The following ARHGAP12 variants were observed in gnomAD, a reference collection of about 807,000 sequenced individuals.
ARHGAP12 encodes rho GTPase-activating protein 12.
ARHGAP12 carries 64 observed loss-of-function variants against 108.6 expected under a neutral mutation model. The ratio of observed to expected loss-of-function variants is 0.59; its 90% CI spans 0.48 to 0.73. The LOEUF (loss-of-function observed/expected upper bound fraction) is 0.73, where lower values mean the gene tolerates loss of function less well. Ranked by LOEUF, ARHGAP12 falls within the 30% of genes least tolerant of loss-of-function variation. ARHGAP12 has a pLI of 0.00. For synonymous variants in ARHGAP12, 312 were observed against 337.2 expected (o/e 0.93, Z 0.82); for missense variants, 940 against 1,005.9 (o/e 0.93, Z 0.89).
At chr10:31,852,150 T>C (rs112173899) in intron 6 of ARHGAP12, among the ~76,000 whole-genome samples, 2 of 152,162 alleles carry the variant, frequency 1.3e-5, no homozygotes, top group South Asian at 4.1e-4. Flanking sequence ...GAGTTACTTT[T>C]CTTTCTCTCA....
intron 5 of ARHGAP12, 81 bp from the exon 6 acceptor site, chr10:31,852,678 AATTCTTATGAATTTT>A (rs1836733126): frequency 1.2e-6 from 1 of 840,482 alleles, no homozygotes; most frequent in African/African-American, 1.8e-5. Context: ...TACTAGATTT[AATTCTTATGAATTTT>A]ATTCTACTTG....
Position 31,818,896 on chromosome 10 carries a change from T to C in ARHGAP12, c.1633-1010A>G, listed in dbSNP as rs1005293366. On this transcript the variant is annotated intron_variant, in intron 12 of 19. Coordinates refer to ENST00000344936, the MANE Select transcript of ARHGAP12 (RefSeq NM_018287.7). ...CCATTTTTATTCTTGATTTACCTTTTGAAACTACAAGGCTAATTCAGGAAA... is the reference window on the plus strand; with the variant it reads ...CCATTTTTATTCTTGATTTACCTTTCGAAACTACAAGGCTAATTCAGGAAA... Among the ~76,000 whole-genome samples the C allele has an allele frequency of 5.3e-5, 8 of 152,272 alleles. No homozygotes were observed. In the South Asian group the frequency reaches 1.7e-3, roughly 32 times the overall value.
chr10:31,839,820 G>A (rs921160455), intron 7 of ARHGAP12, 109 bp from the exon 8 acceptor site: 16 of 749,884 alleles, frequency 2.1e-5, no homozygotes, highest in South Asian at 1.1e-4. Context: ...TTTTTTCCTC[G>A]TTATTTTCGT....
rs1834838126 is a variant in ARHGAP12, at chr10:31,806,823, A to G, written c.*835T>C. 6.6e-6 allele frequency: 1 copy of G among 152,594 alleles called. No individual in the cohort carries two copies. Among genetic ancestry groups the G allele is most frequent in the African/African-American group, 2.4e-5 (1 of 41,454 alleles). 9.5% of individuals were successfully genotyped at this position (152,594 alleles called of 1,614,324 possible). On this transcript the variant is annotated 3_prime_UTR_variant, in exon 20 of 20. Coordinates refer to ENST00000344936, the MANE Select transcript of ARHGAP12 (RefSeq NM_018287.7). Reference sequence around the variant, plus strand: ...TAGGGTTAGAATGTACTCTGAGACTATACAACACAATTATATACACAAGCT... The same window carrying G: ...TAGGGTTAGAATGTACTCTGAGACTGTACAACACAATTATATACACAAGCT...
chr10:31,897,276 C>A (rs1210339927), intron 3 of ARHGAP12, among the ~76,000 whole-genome samples: 8 of 152,120 alleles, frequency 5.3e-5, no homozygotes, highest in Admixed American at 1.3e-4. Flanking sequence ...GAGGAAAGGG[C>A]ACTTCCCAGA....
chr10:31,859,158 C>T (rs1837012023), intron 4 of ARHGAP12, among the ~76,000 whole-genome samples: 1 of 152,022 alleles, frequency 6.6e-6, no homozygotes, highest in Admixed American at 6.5e-5. Context: ...ACAATAGACA[C>T]AATAGGAACA....
chr10:31,875,044 A>G (rs1837680121), intron 3 of ARHGAP12, among the ~76,000 whole-genome samples: 1 of 151,716 alleles, frequency 6.6e-6, no homozygotes, highest in Admixed American at 6.6e-5. Flanking sequence ...AAACTTACAG[A>G]AGACCATATG....
At chr10:31,855,918 T>C (rs1056556910) in intron 4 of ARHGAP12, among the ~76,000 whole-genome samples, 1 of 152,132 alleles carries the variant, frequency 6.6e-6, no homozygotes, top group African/African-American at 2.4e-5. Context: ...CACTGGAAAA[T>C]AGTTGTTTAA....
At chr10:31,846,899 A>ATTTTT (rs377177944) in intron 6 of ARHGAP12, among the ~76,000 whole-genome samples, 3 of 84,626 alleles carry the variant, frequency 3.5e-5, no homozygotes, top group East Asian at 3.6e-4. Flanking sequence ...GGCACTGTTC[A>ATTTTT]TTTTTTTTTT....
rs1308466105 is a variant in ARHGAP12, at chr10:31,806,621, G to A, written c.*1037C>T. ...CCAAAAGGTTCCTCTTGTAGTGCAT[G>A]TGCCATTTAGCAAGTCTATTCAGTA... On this transcript the variant is annotated 3_prime_UTR_variant, in exon 20 of 20. Coordinates refer to ENST00000344936, the MANE Select transcript of ARHGAP12 (RefSeq NM_018287.7). 2 of 152,524 alleles carry A rather than the reference G, an allele frequency of 1.3e-5. No homozygotes were observed. Among genetic ancestry groups the A allele is most frequent in the Non-Finnish European group, 2.9e-5 (2 of 67,996 alleles). The allele number at this position is 152,524 out of a possible 1,614,324, so 9.4% of individuals were successfully genotyped here.
intron 1 of ARHGAP12, among the ~76,000 whole-genome samples, chr10:31,919,157 A>C (rs1472322705): frequency 6.6e-6 from 1 of 152,218 alleles, no homozygotes; most frequent in African/African-American, 2.4e-5. Context: ...CATGTATATA[A>C]GGTACCTAGA....
chr10:31,843,431 A>G, intron 7 of ARHGAP12, 30 bp downstream of exon 7: 1 of 1,602,600 alleles, frequency 6.2e-7, no homozygotes, highest in South Asian at 1.1e-5. Flanking sequence ...TATAATGCAA[A>G]GAACTTGCCA....
At chr10:31,821,709 T>G (rs1043244988) in intron 11 of ARHGAP12, among the ~76,000 whole-genome samples, 1 of 152,176 alleles carries the variant, frequency 6.6e-6, no homozygotes, top group South Asian at 2.1e-4. Flanking sequence ...AAAGTTAGGA[T>G]TACATAAAAT....
intron 9 of ARHGAP12, among the ~76,000 whole-genome samples, chr10:31,832,371 G>A (rs1835864893): frequency 6.6e-6 from 1 of 152,158 alleles, no homozygotes; most frequent in African/African-American, 2.4e-5. Context: ...ATCAGATTGT[G>A]AGTTCCTCTC....
At chr10:31,928,162 C>A (rs1311410745) in intron 1 of ARHGAP12, among the ~76,000 whole-genome samples, 2 of 145,594 alleles carry the variant, frequency 1.4e-5, no homozygotes, top group Non-Finnish European at 3.0e-5. Flanking sequence ...AGGGGCCGGG[C>A]CGGCCTTTTG....
At chr10:31,873,123 T>TA (rs1837604739) in intron 3 of ARHGAP12, among the ~76,000 whole-genome samples, 1 of 152,124 alleles carries the variant, frequency 6.6e-6, no homozygotes, top group Non-Finnish European at 1.5e-5. Flanking sequence ...AAAAGGGTTA[T>TA]AAAAAGAGAG....
chr10:31,808,805 G>A, intron 18 of ARHGAP12, 54 bp from the exon 19 acceptor site: 2 of 1,562,626 alleles, frequency 1.3e-6, no homozygotes. Flanking sequence ...GAAACTGAAA[G>A]CAATGTCACA....
chr10:31,891,576 G>C (rs1425291598), intron 3 of ARHGAP12, among the ~76,000 whole-genome samples: 1 of 151,082 alleles, frequency 6.6e-6, no homozygotes, highest in Non-Finnish European at 1.5e-5. Flanking sequence ...TGCTCTTCTC[G>C]AGGAGTATCT....
At position 31,808,552 on chromosome 10, in the gene ARHGAP12, C is replaced by G; in HGVS notation, c.2366+97G>C. The G allele has an allele frequency of 1.1e-5, 11 of 1,022,298 alleles. No homozygotes were observed. In the South Asian group the frequency reaches 1.5e-4, roughly 14 times the overall value. The allele number at this position is 1,022,298 out of a possible 1,614,324, so 63.3% of individuals were successfully genotyped here. A position where few individuals can be genotyped will look rare whatever the true frequency, so the allele number is the denominator to read the frequency against. ...GTTACAAAGACAGCAAGTAGCATAG[C>G]TGGGATCCAAATCTGAGTCTGAGTG... On this transcript the variant is annotated intron_variant, in intron 19 of 19. Transcript: ENST00000344936.
Sources: gnomAD v4.1 joint callset for allele counts (sites outside exome capture counted in the v4.1 genomes callset) on GRCh38, gnomAD v4.1.1 for gene constraint, MANE v1.5 for transcripts, NCBI Gene and HGNC (gene_info 2026-07-23, HGNC 2026-07-21) for gene names.